Variants in DPH6 observed in about 807,000 individuals in gnomAD.
The protein encoded by DPH6 is diphthine--ammonia ligase.
DPH6 carries 33 observed loss-of-function variants against 38.2 expected under a neutral mutation model. The ratio of observed to expected loss-of-function variants is 0.86; its 90% CI spans 0.65 to 1.15. The LOEUF is 1.15. Among genes scored for constraint, DPH6 ranks in the 50% most tolerant of loss-of-function variants. The pLI is 0.00. For missense variants in DPH6, 325 were observed against 320.0 expected, an observed-to-expected ratio of 1.02 and a Z score of -0.12; for synonymous variants, 108 against 103.0, an observed-to-expected ratio of 1.05 and a Z score of -0.30.
chr15:35,312,748 T>C lies in DPH6; in HGVS notation n.200+60773A>G, dbSNP rs111888048. Among the ~76,000 whole-genome samples the C allele has an allele frequency of 9.9e-3, 1,504 of 152,284 alleles. 25 individuals carry two copies. Among genetic ancestry groups the C allele is most frequent in the African/African-American group, 0.034 (1,427 of 41,572 alleles). On this transcript the variant is annotated intron_variant and non_coding_transcript_variant, in intron 3 of 3. Transcript: ENST00000560386. ...CCTTCTTTTGCATATAGTTATCTGG[T>C]TTTCCCAGCATCATTCATTGGAGAG...
intron 6 of DPH6, among the ~76,000 whole-genome samples, chr15:35,391,119 T>A (rs2053050046): frequency 1.3e-5 from 2 of 152,180 alleles, no homozygotes; most frequent in Admixed American, 6.5e-5. Flanking sequence ...CCAGACCCTA[T>A]TTGCCTGGGT....
chr15:35,544,210 A>C (rs890456384), intron 1 of DPH6, among the ~76,000 whole-genome samples: 2 of 152,190 alleles, frequency 1.3e-5, no homozygotes, highest in African/African-American at 4.8e-5. Context: ...ACTTCATTGC[A>C]AATTAATGAA....
chr15:35,281,581 G>T (rs2051899811), intron 3 of DPH6, among the ~76,000 whole-genome samples: 1 of 152,130 alleles, frequency 6.6e-6, no homozygotes, highest in Non-Finnish European at 1.5e-5. Context: ...ACAAAGTCAT[G>T]ACTTCTTAAA....
At chr15:35,199,387 C>T in the DPH6 span, among the ~76,000 whole-genome samples, 1 of 152,140 alleles carries the variant, frequency 6.6e-6, no homozygotes, top group African/African-American at 2.4e-5. Context: ...GAATCTCAGT[C>T]ATTTGTGTAT....
At chr15:35,387,678 T>C (rs1248078061) in intron 6 of DPH6, among the ~76,000 whole-genome samples, 1 of 152,188 alleles carries the variant, frequency 6.6e-6, no homozygotes, top group Non-Finnish European at 1.5e-5. Flanking sequence ...CTTGTGACTT[T>C]TGCACATTGA....
intron 3 of DPH6, among the ~76,000 whole-genome samples, chr15:35,226,576 T>TTACAATACTACAAGC (rs1274392990): frequency 1.3e-5 from 2 of 152,210 alleles, no homozygotes; most frequent in East Asian, 3.8e-4. Context: ...AAACCTGGGA[T>TTACAATACTACAAGC]ACATTTACAA....
At chr15:35,236,226 C>A (rs2051549939) in intron 3 of DPH6, among the ~76,000 whole-genome samples, 1 of 152,162 alleles carries the variant, frequency 6.6e-6, no homozygotes. Flanking sequence ...TAAGAAGCAT[C>A]AAACTGAATT....
intron 3 of DPH6, among the ~76,000 whole-genome samples, chr15:35,534,134 T>C (rs1255897929): frequency 6.6e-6 from 1 of 151,864 alleles, no homozygotes; most frequent in East Asian, 1.9e-4. Flanking sequence ...TCCCAACACT[T>C]AGGGAGGCCG....
intron 5 of DPH6, among the ~76,000 whole-genome samples, chr15:35,426,915 C>A (rs1698947149): frequency 6.9e-6 from 1 of 145,334 alleles, no homozygotes; most frequent in Non-Finnish European, 1.5e-5. Context: ...CATTTATGAA[C>A]ACGTTGAAAA....
intron 3 of DPH6, among the ~76,000 whole-genome samples, chr15:35,294,848 T>C (rs1042446026): frequency 6.6e-6 from 1 of 152,180 alleles, no homozygotes; most frequent in African/African-American, 2.4e-5. Flanking sequence ...TTCCTAAAGC[T>C]ATGAGACTTG....
intron 4 of DPH6, among the ~76,000 whole-genome samples, chr15:35,454,282 T>C (rs1038823079): frequency 2.0e-5 from 3 of 152,182 alleles, no homozygotes; most frequent in Non-Finnish European, 2.9e-5. Flanking sequence ...AATGGCTTTA[T>C]ATGTAAGCAT....
At chr15:35,316,756 A>G (rs775982583) in intron 3 of DPH6, among the ~76,000 whole-genome samples, 28 of 152,242 alleles carry the variant, frequency 1.8e-4, no homozygotes, top group Admixed American at 2.0e-4. Context: ...ACCTAGGTAT[A>G]GCACAGTAAA....
chr15:35,217,374 C>T (rs112699815), exon 4 of DPH6: 25,689 of 151,956 alleles, frequency 0.17, 2,386 homozygotes, highest in South Asian at 0.29. Flanking sequence ...TTTTTTGAGA[C>T]GGAGTTTTGC....
chr15:35,366,228 T>TTGCGCGTG (rs376724959), downstream of DPH6, among the ~76,000 whole-genome samples: 3 of 144,262 alleles, frequency 2.1e-5, no homozygotes, highest in African/African-American at 7.7e-5. Flanking sequence ...TTTAGTCATC[T>TTGCGCGTG]TGTGTGTGTG....
chr15:35,279,068 A>T (rs200784718), intron 3 of DPH6, among the ~76,000 whole-genome samples: 5,119 of 102,080 alleles, frequency 0.05, 147 homozygotes, highest in Non-Finnish European at 0.058. Context: ...AAAAAAAAAA[A>T]ATATATATAT....
the DPH6 span, among the ~76,000 whole-genome samples, chr15:35,190,034 G>A: frequency 2.0e-5 from 3 of 152,152 alleles, no homozygotes; most frequent in African/African-American, 4.8e-5. Flanking sequence ...GGGAAGATAC[G>A]GAAGGCAATT....
chr15:35,409,370 A>G (rs2053335695), intron 6 of DPH6, among the ~76,000 whole-genome samples: 1 of 151,970 alleles, frequency 6.6e-6, no homozygotes, highest in Non-Finnish European at 1.5e-5. Flanking sequence ...GGGAAATACA[A>G]GATTGCCAGA....
At chr15:35,458,252 C>T (rs568218864) in intron 3 of DPH6, among the ~76,000 whole-genome samples, 100 of 152,170 alleles carry the variant, frequency 6.6e-4, no homozygotes, top group African/African-American at 2.3e-3. Flanking sequence ...TGGATAAAAA[C>T]CTAACTCTTT....
intron 3 of DPH6, among the ~76,000 whole-genome samples, chr15:35,455,730 G>T (rs1373936293): frequency 6.6e-6 from 1 of 152,114 alleles, no homozygotes; most frequent in Non-Finnish European, 1.5e-5. Flanking sequence ...ACTAGGGGGT[G>T]ATTACTAATA....
Sources: gnomAD v4.1 joint callset for allele counts (sites outside exome capture counted in the v4.1 genomes callset) on GRCh38, gnomAD v4.1.1 for gene constraint, MANE v1.5 for transcripts, NCBI Gene and HGNC (gene_info 2026-07-23, HGNC 2026-07-21) for gene names.